UXS1: variants seen among roughly 807,000 people sequenced by gnomAD.
The protein encoded by UXS1 is UDP-glucuronic acid decarboxylase 1.
In UXS1, 33 loss-of-function variants were observed where a neutral mutation model predicts 62.6. That is an observed-to-expected ratio of 0.53 (90% CI 0.40 to 0.70). The LOEUF is 0.70. Ranked by LOEUF, UXS1 falls within the 30% of genes least tolerant of loss-of-function variation. The pLI, the probability that UXS1 is intolerant of heterozygous loss-of-function variation, is 0.00. For synonymous variants in UXS1, 213 were observed against 206.8 expected (o/e 1.03, Z -0.26); for missense variants, 434 against 556.3 (o/e 0.78, Z 2.21).
chr2:106,121,887 C>T (rs543908009), intron 9 of UXS1, among the ~76,000 whole-genome samples: 1 of 152,316 alleles, frequency 6.6e-6, no homozygotes, highest in African/African-American at 2.4e-5. Flanking sequence ...TTGCCCTGTC[C>T]TCTGTGGTAC....
chr2:106,169,009 A>C (rs1372100246), intron 1 of UXS1, among the ~76,000 whole-genome samples: 4 of 152,186 alleles, frequency 2.6e-5, no homozygotes, highest in Non-Finnish European at 4.4e-5. Flanking sequence ...CTTTTAAAAA[A>C]GGAGGGAAGA....
intron 1 of UXS1, among the ~76,000 whole-genome samples, chr2:106,190,743 C>CAAAAAAA (rs35043298): frequency 8.0e-6 from 1 of 124,850 alleles, no homozygotes; most frequent in Non-Finnish European, 1.6e-5. Context: ...AACTCTGTAT[C>CAAAAAAA]AAAAAAAAAA....
intron 9 of UXS1, among the ~76,000 whole-genome samples, chr2:106,113,590 T>C (rs935413810): frequency 2.6e-5 from 4 of 152,254 alleles, no homozygotes; most frequent in African/African-American, 7.2e-5. Flanking sequence ...AATTATTAAC[T>C]TCACAGACTG....
At chr2:106,128,280 A>C (rs1007232003) in intron 7 of UXS1, among the ~76,000 whole-genome samples, 1 of 152,152 alleles carries the variant, frequency 6.6e-6, no homozygotes, top group Admixed American at 6.5e-5. Flanking sequence ...AGGAGACGGT[A>C]ACAAAGAAGA....
chr2:106,170,439 C>A lies in UXS1; in HGVS notation c.95-4356G>T, dbSNP rs76540671. Among the ~76,000 whole-genome samples, 29 of 152,340 alleles carry A rather than the reference C, an allele frequency of 1.9e-4. 2 individuals carry two copies. In the East Asian group the frequency reaches 5.6e-3, roughly 29 times the overall value. Reference sequence around the variant, plus strand: ...GTTTTCATATTTACATTTGTTACACCAGGCATACATGGTCCAAGCACTAAA... The same window carrying A: ...GTTTTCATATTTACATTTGTTACACAAGGCATACATGGTCCAAGCACTAAA... On this transcript the variant is annotated intron_variant, in intron 1 of 14. Coordinates refer to ENST00000283148, the MANE Select transcript of UXS1 (RefSeq NM_001253875.2).
chr2:106,130,077 T>C (rs553800732), intron 6 of UXS1, among the ~76,000 whole-genome samples: 5 of 152,188 alleles, frequency 3.3e-5, no homozygotes, highest in Non-Finnish European at 5.9e-5. Flanking sequence ...AGATAGAGCA[T>C]TCAAATCAGA....
At chr2:106,151,496 T>G (rs1573518646) in intron 5 of UXS1, among the ~76,000 whole-genome samples, 1 of 152,150 alleles carries the variant, frequency 6.6e-6, no homozygotes, top group Non-Finnish European at 1.5e-5. Context: ...TCTCATCCAC[T>G]CTCTGCCCTT....
In UXS1 at chr2:106,093,732, C is replaced by T. The variant is rs561015660; in HGVS notation, c.*294G>A. ...AGAAACCAGTAAATAAAACTGTCAACGACAGTCACAACATATGCTCTCACA... is the reference window on the plus strand; with the variant it reads ...AGAAACCAGTAAATAAAACTGTCAATGACAGTCACAACATATGCTCTCACA... On this transcript the variant is annotated 3_prime_UTR_variant, in exon 15 of 15. Transcript: ENST00000283148. 9.2e-5 allele frequency: 26 copies of T among 282,708 alleles called. No individual in the cohort carries two copies. Among genetic ancestry groups the T allele is most frequent in the Admixed American group, 4.2e-4 (8 of 19,098 alleles). The allele number at this position is 282,708 out of a possible 1,614,324, so 17.5% of individuals were successfully genotyped here. A position where few individuals can be genotyped will look rare whatever the true frequency, so the allele number is the denominator to read the frequency against.
chr2:106,093,799 G>A lies in UXS1; in HGVS notation c.*227C>T, dbSNP rs2104811651. The A allele has an allele frequency of 4.1e-6, 2 of 493,482 alleles. No homozygotes were observed. The highest frequency in any genetic ancestry group is 4.2e-5 in the Admixed American group (1 of 23,840). The allele number at this position is 493,482 out of a possible 1,614,324, so 30.6% of individuals were successfully genotyped here. A position where few individuals can be genotyped will look rare whatever the true frequency, so the allele number is the denominator to read the frequency against. ...TGAAAATACGCAGAGATGCATCTACGCTATTTTACATAAAAAGAGAGATTC... is the reference window on the plus strand; with the variant it reads ...TGAAAATACGCAGAGATGCATCTACACTATTTTACATAAAAAGAGAGATTC... On this transcript the variant is annotated 3_prime_UTR_variant, in exon 15 of 15. Transcript: ENST00000283148.
At chr2:106,193,293 G>T (rs529639056) in intron 1 of UXS1, among the ~76,000 whole-genome samples, 1 of 152,114 alleles carries the variant, frequency 6.6e-6, no homozygotes, top group Non-Finnish European at 1.5e-5. Flanking sequence ...GCTCACACTG[G>T]GAGCTATTTC....
intron 1 of UXS1, among the ~76,000 whole-genome samples, chr2:106,192,792 T>C (rs933607863): frequency 6.6e-6 from 1 of 152,140 alleles, no homozygotes; most frequent in African/African-American, 2.4e-5. Flanking sequence ...TCCTCACCTC[T>C]AAAATAGGAA....
At chr2:106,129,800 C>A (rs1319865312) in intron 6 of UXS1, 22 bp from the exon 7 acceptor site, 4 of 1,533,678 alleles carry the variant, frequency 2.6e-6, no homozygotes, top group Non-Finnish European at 2.7e-6. Flanking sequence ...AAAACAGAAG[C>A]CTATTACTTC....
At chr2:106,188,282 G>C (rs772304202) in intron 1 of UXS1, among the ~76,000 whole-genome samples, 1 of 152,122 alleles carries the variant, frequency 6.6e-6, no homozygotes, top group Non-Finnish European at 1.5e-5. Flanking sequence ...AATGCTACTG[G>C]ATAGGAAAAA....
chr2:106,186,515 C>A (rs1474380522), intron 1 of UXS1, among the ~76,000 whole-genome samples: 1 of 151,698 alleles, frequency 6.6e-6, no homozygotes, highest in East Asian at 1.9e-4. Flanking sequence ...TACACACACA[C>A]ACATATATAG....
At position 106,183,244 on chromosome 2, in the gene UXS1, A is replaced by ATTT. The variant is rs1466569477; in HGVS notation, c.94+10903_94+10904insAAA. Among the ~76,000 whole-genome samples the ATTT allele has an allele frequency of 9.9e-3, 1,471 of 149,304 alleles. 10 individuals carry two copies. The highest frequency in any genetic ancestry group is 0.018 in the Admixed American group (262 of 14,932). On this transcript the variant is annotated intron_variant, in intron 1 of 14. Transcript: ENST00000283148. Reference sequence around the variant, plus strand: ...GCTGCCTGCTCAAGTCTTTTTTAAAAAAAAAAAAAAAAAAAAGCAAGGTCA... The same window carrying ATTT: ...GCTGCCTGCTCAAGTCTTTTTTAAAATTTAAAAAAAAAAAAAAAAGCAAGGTCA...
intron 13 of UXS1, chr2:106,097,391 G>A (rs957515213): frequency 2.0e-5 from 7 of 356,672 alleles, no homozygotes; most frequent in African/African-American, 1.5e-4. Flanking sequence ...AGCCCCACCA[G>A]TGACTGTGGG....
At chr2:106,163,618 G>T in intron 4 of UXS1, 49 bp downstream of exon 4, 1 of 1,335,348 alleles carries the variant, frequency 7.5e-7, no homozygotes, top group South Asian at 1.4e-5. Flanking sequence ...TTACTCAATT[G>T]AGACAAACTT....
intron 1 of UXS1, among the ~76,000 whole-genome samples, chr2:106,175,320 T>C (rs570411640): frequency 1.3e-5 from 2 of 152,360 alleles, no homozygotes; most frequent in Admixed American, 6.5e-5. Context: ...TTTCTGAACA[T>C]GTGAGCTGTA....
At chr2:106,125,544 A>G (rs1293911225) in intron 8 of UXS1, 76 bp downstream of exon 8, 15 of 1,387,964 alleles carry the variant, frequency 1.1e-5, no homozygotes, top group African/African-American at 1.5e-5. Context: ...AGAAAAGAAC[A>G]CTGGACTCTT....
Sources: gnomAD v4.1 joint callset for allele counts (sites outside exome capture counted in the v4.1 genomes callset) on GRCh38, gnomAD v4.1.1 for gene constraint, MANE v1.5 for transcripts, NCBI Gene and HGNC (gene_info 2026-07-23, HGNC 2026-07-21) for gene names.